The following CACNA1S variants were observed in gnomAD, a reference collection of about 807,000 sequenced individuals.
CACNA1S encodes calcium voltage-gated channel subunit alpha1 S.
In CACNA1S, 126 loss-of-function variants were observed where a neutral mutation model predicts 207.4. The ratio of observed to expected loss-of-function variants is 0.61; its 90% CI spans 0.53 to 0.70. The LOEUF (loss-of-function observed/expected upper bound fraction) is 0.70, where lower values mean the gene tolerates loss of function less well. Among genes scored for constraint, CACNA1S ranks in the 30% least tolerant of loss-of-function variants. CACNA1S has a pLI of 0.00. For synonymous variants in CACNA1S, 960 were observed against 932.7 expected (o/e 1.03, Z -0.53); for missense variants, 2,349 against 2,422.8 (o/e 0.97, Z 0.64).
intron 22 of CACNA1S, among the ~76,000 whole-genome samples, chr1:201,063,622 T>C (rs916490744): frequency 6.6e-6 from 1 of 152,202 alleles, no homozygotes; most frequent in African/African-American, 2.4e-5. Context: ...TAAATCAGGC[T>C]TGAGATCCAC....
In CACNA1S at chr1:201,059,296, A is replaced by G; in HGVS notation, c.3418T>C (p.Tyr1140His). Residue 1140 changes from tyrosine to histidine, a missense_variant, in exon 27 of 44, where the codon TAC becomes CAC. Tyr to His is a moderately conservative substitution (Grantham distance 83). Transcript: ENST00000362061. ...LNTICLGMQH[Y>H]NQSEQMNHIS... ...TGGTTCATCTGCTCCGACTGGTTGT[A>G]GTGCTGTGGAGGGGACACAGGAGCA... The G allele has an allele frequency of 6.2e-7, 1 of 1,609,996 alleles. No homozygotes were observed. Among genetic ancestry groups the G allele is most frequent in the Non-Finnish European group, 8.5e-7 (1 of 1,176,346 alleles).
intron 34 of CACNA1S, among the ~76,000 whole-genome samples, chr1:201,049,387 A>C (rs892447756): frequency 2.6e-5 from 4 of 152,220 alleles, no homozygotes; most frequent in African/African-American, 9.6e-5. Flanking sequence ...TTTCCCTATC[A>C]GTATCTTTCT....
At chr1:201,056,084 C>CACACACAT (rs1660833345) in intron 28 of CACNA1S, among the ~76,000 whole-genome samples, 3 of 151,214 alleles carry the variant, frequency 2.0e-5, no homozygotes, top group Non-Finnish European at 3.0e-5. Flanking sequence ...CACACACACA[C>CACACACAT]ACACACACAC....
chr1:201,081,971 T>C (rs1661857528), intron 10 of CACNA1S, among the ~76,000 whole-genome samples: 1 of 151,756 alleles, frequency 6.6e-6, no homozygotes, highest in African/African-American at 2.4e-5. Flanking sequence ...CTGTAAAGCC[T>C]GCAGAACTGT....
Position 201,056,078 on chromosome 1 carries a change from C to CACACACACACACACAT in CACNA1S, c.3610-1518_3610-1517insATGTGTGTGTGTGTGT, listed in dbSNP as rs1553249509. 3.5e-3 allele frequency among the ~76,000 whole-genome samples: 486 copies of CACACACACACACACAT among 137,004 alleles called. 2 individuals carry two copies. Among genetic ancestry groups the CACACACACACACACAT allele is most frequent in the African/African-American group, 0.011 (433 of 38,298 alleles). 89.9% of individuals were successfully genotyped at this position (137,004 alleles called of 152,430 possible). A position where few individuals can be genotyped will look rare whatever the true frequency, so the allele number is the denominator to read the frequency against. On this transcript the variant is annotated intron_variant, in intron 28 of 43. Coordinates refer to ENST00000362061, the MANE Select transcript of CACNA1S (RefSeq NM_000069.3). ...AGACAGACAGACAGACAGACACACA[C>CACACACACACACACAT]ACACACACACACACACACACACACA...
chr1:201,066,681 C>G lies in CACNA1S; in HGVS notation c.2657+206G>C, dbSNP rs1661252660. Among the ~76,000 whole-genome samples, 1 of 152,208 alleles carries G rather than the reference C, an allele frequency of 6.6e-6. No individual in the cohort carries two copies. The highest frequency in any genetic ancestry group is 6.5e-5 in the Admixed American group (1 of 15,294). ...TCCTCTCTGCATCTCCTGCCAGTCT[C>G]TAGAACAGAGCGCTGCCCACTTCAC... On this transcript the variant is annotated intron_variant, in intron 20 of 43. Transcript: ENST00000362061. This position sits in a 1 kb window ranked among gnomAD's most constrained non-coding sequence, Gnocchi z 4.3.
Position 201,062,414 on chromosome 1 carries a change from ATGCTCCCTGCCCCGTGACCGTCCCACTG to A in CACNA1S, c.2906+20_2906+47del. 4 of 1,565,284 alleles carry A rather than the reference ATGCTCCCTGCCCCGTGACCGTCCCACTG, an allele frequency of 2.6e-6. No homozygotes were observed. Among genetic ancestry groups the A allele is most frequent in the Non-Finnish European group, 2.6e-6 (3 of 1,137,116 alleles). ...CTCCCTGCCCCGTGACTGTCCCACC[ATGCTCCCTGCCCCGTGACCGTCCCACTG>A]TGCTCCCTGCCCCATGTACCTGCAC... On this transcript the variant is annotated intron_variant, in intron 23 of 43. Coordinates refer to ENST00000362061, the MANE Select transcript of CACNA1S (RefSeq NM_000069.3).
intron 39 of CACNA1S, 146 bp from the exon 40 acceptor site, chr1:201,043,677 G>A: frequency 1.4e-6 from 1 of 734,986 alleles, no homozygotes; most frequent in Non-Finnish European, 2.2e-6. Flanking sequence ...TGAGTGGTGA[G>A]ATCAAAAGAA....
chr1:201,078,075 A>C lies in CACNA1S; in HGVS notation c.1423T>G (p.Phe475Val). Residue 475 changes from phenylalanine (F) to valine (V), a missense_variant, in exon 11 of 44, where the codon TTC becomes GTC. Physicochemically the swap from Phe to Val is conservative, Grantham distance 50. Transcript: ENST00000362061. The stretch of plus-strand genomic sequence containing the variant: ...ATCTTCATCAGCATCTCAGTGGTGA[A>C]GAGGGACAGCAGCACCCGGTTGGCA... ...DIANRVLLSL[F>V]TTEMLMKMYG... is the part of the protein sequence containing the mutation. 1 of 1,614,208 alleles carries C rather than the reference A, an allele frequency of 6.2e-7. No homozygotes were observed. Among genetic ancestry groups the C allele is most frequent in the Non-Finnish European group, 8.5e-7 (1 of 1,180,024 alleles).
chr1:201,041,591 T>C lies in CACNA1S; in HGVS notation c.5049-2A>G, dbSNP rs148989517. 127 of 1,610,682 alleles carry C rather than the reference T, an allele frequency of 7.9e-5. No homozygotes were observed. The African/African-American group carries it at 1.6e-3, about 20-fold the overall frequency. ...GGGAACTCCCTTTCATAGTGGACACTGAAATGGAAGCAAGGCTGGGTGAAC... is the reference window on the plus strand; with the variant it reads ...GGGAACTCCCTTTCATAGTGGACACCGAAATGGAAGCAAGGCTGGGTGAAC... On this transcript the variant is annotated splice_acceptor_variant, in intron 40 of 43. Transcript: ENST00000362061. LOFTEE classifies it high-confidence loss of function.
chr1:201,070,471 T>C, intron 16 of CACNA1S, 67 bp from the exon 17 acceptor site: 1 of 1,602,384 alleles, frequency 6.2e-7, no homozygotes, highest in Non-Finnish European at 8.5e-7. Context: ...GCTTCTGTGC[T>C]CAGAGCCCTC....
At chr1:201,071,876 A>T (rs899549502) in intron 16 of CACNA1S, among the ~76,000 whole-genome samples, 1 of 152,218 alleles carries the variant, frequency 6.6e-6, no homozygotes, top group Non-Finnish European at 1.5e-5. Flanking sequence ...TCTTTCATGC[A>T]TTCATTCATT....
At position 201,040,762 on chromosome 1, in the gene CACNA1S, G is replaced by A. The variant is rs370674035; in HGVS notation, c.5135-49C>T. On this transcript the variant is annotated intron_variant, in intron 41 of 43. Coordinates refer to ENST00000362061, the MANE Select transcript of CACNA1S (RefSeq NM_000069.3). ...TAAGAGGGGCTGCTGACTCCTGCCA[G>A]GAGCCCTGAGTCAACAGAGGCTCGC... 9.4e-6 allele frequency: 14 copies of A among 1,482,740 alleles called. No individual in the cohort carries two copies. The African/African-American group carries it at 1.8e-4, about 19-fold the overall frequency. The allele number at this position is 1,482,740 out of a possible 1,614,324, so 91.8% of individuals were successfully genotyped here.
At chr1:201,060,074 T>C (rs1271527421) in intron 26 of CACNA1S, among the ~76,000 whole-genome samples, 1 of 152,190 alleles carries the variant, frequency 6.6e-6, no homozygotes, top group Non-Finnish European at 1.5e-5. Context: ...GGCTCAGTGA[T>C]TGTCTTTCCA....
chr1:201,069,049 T>G, intron 19 of CACNA1S, 88 bp downstream of exon 19: 2 of 1,194,788 alleles, frequency 1.7e-6, no homozygotes, highest in Non-Finnish European at 2.5e-6. Flanking sequence ...CTTTTCTGCT[T>G]CTCTCCAGCC....
chr1:201,068,324 C>T (rs1434920138), intron 19 of CACNA1S, among the ~76,000 whole-genome samples: 2 of 144,792 alleles, frequency 1.4e-5, no homozygotes, highest in African/African-American at 2.6e-5. Context: ...CTCACTGCAA[C>T]CTCTGCCTCC....
At chr1:201,057,447 T>G (rs1660887217) in intron 28 of CACNA1S, among the ~76,000 whole-genome samples, 1 of 152,266 alleles carries the variant, frequency 6.6e-6, no homozygotes. Flanking sequence ...TATAATACTA[T>G]GTACTTGTCA....
chr1:201,069,687 G>T, intron 17 of CACNA1S, 86 bp from the exon 18 acceptor site: 1 of 1,468,910 alleles, frequency 6.8e-7, no homozygotes, highest in Non-Finnish European at 9.3e-7. Flanking sequence ...GGACGAACAT[G>T]GAATACACCT....
chr1:201,041,890 T>G (rs894315908), intron 40 of CACNA1S: 30 of 458,808 alleles, frequency 6.5e-5, no homozygotes, highest in Non-Finnish European at 1.1e-4. Flanking sequence ...GGAACCCTGC[T>G]TCTCCATCTT....
Sources: allele counts gnomAD v4.1 joint callset (sites outside exome capture counted in the v4.1 genomes callset), GRCh38; gene constraint gnomAD v4.1.1; non-coding constraint Gnocchi (gnomAD v3.1); transcripts MANE v1.5; gene names NCBI Gene and HGNC (gene_info 2026-07-23, HGNC 2026-07-21).